The following PHLDB1 variants were observed in gnomAD, a reference collection of about 807,000 sequenced individuals.
PHLDB1 encodes the protein pleckstrin homology-like domain family B member 1.
A neutral mutation model predicts 139.3 loss-of-function variants in PHLDB1; 65 were observed. That is an observed-to-expected ratio of 0.47 (90% CI 0.38 to 0.57). The LOEUF (loss-of-function observed/expected upper bound fraction) is 0.57, where lower values mean the gene tolerates loss of function less well. PHLDB1 is among the 20% of genes least tolerant of loss of function. The pLI, the probability that PHLDB1 is intolerant of heterozygous loss-of-function variation, is 0.00. For synonymous variants in PHLDB1, 679 were observed against 734.5 expected, an observed-to-expected ratio of 0.92 and a Z score of 1.22; for missense variants, 1,624 against 1,839.7, an observed-to-expected ratio of 0.88 and a Z score of 2.14.
At position 118,644,010 on chromosome 11, in the gene PHLDB1, G is replaced by T. The variant is rs1555124302; in HGVS notation, c.3019-62G>T. The T allele has an allele frequency of 1.9e-6, 3 of 1,604,792 alleles. No homozygotes were observed. The South Asian group carries it at 3.3e-5, about 18-fold the overall frequency. ...GACTTCCACCCTGGGGAGAGGCCAA[G>T]ACCTTGGGAATGGGGGTAAGGGCCT... is the stretch of plus-strand genomic sequence containing the variant. On this transcript the variant is annotated intron_variant, in intron 14 of 22. Transcript: ENST00000600882.
chr11:118,635,072 TC>T, intron 9 of PHLDB1: 1 of 446,468 alleles, frequency 2.2e-6, no homozygotes, highest in Non-Finnish European at 4.4e-6. Context: ...CCGCCCCCCC[TC>T]CCCCGGCCCC....
In PHLDB1 at chr11:118,627,408, G is replaced by C. The variant is rs1944067200; in HGVS notation, c.585G>C (p.Lys195Asn). 1.9e-6 allele frequency: 3 copies of C among 1,614,196 alleles called. No individual in the cohort carries two copies. The highest frequency in any genetic ancestry group is 2.5e-6 in the Non-Finnish European group (3 of 1,180,028). ...GTTCCCTGGTGAGCTCTATTGAGAA[G>C]GACCTGCAAGAGATCATGGACTCAC... Reference protein sequence around the residue: ...SHSSLVSSIEKDLQEIMDSLV... With the variant: ...SHSSLVSSIENDLQEIMDSLV... Residue 195 changes from lysine (K) to asparagine (N), a missense_variant, in exon 6 of 23, where the codon AAG becomes AAC. Lys to Asn is a moderately conservative substitution (Grantham distance 94). Coordinates refer to ENST00000600882, the MANE Select transcript of PHLDB1 (RefSeq NM_001144758.3).
intron 1 of PHLDB1, 87 bp from the exon 2 acceptor site, chr11:118,613,729 C>T: frequency 2.6e-6 from 2 of 773,740 alleles, no homozygotes; most frequent in African/African-American, 1.7e-5. Context: ...GGTGACACCT[C>T]TGCCCTGAGA....
At chr11:118,646,965 GA>G (rs1170384518) in intron 17 of PHLDB1, 1 of 152,178 alleles carries the variant, frequency 6.6e-6, no homozygotes, top group Non-Finnish European at 1.5e-5. Context: ...GAGCTGGGAA[GA>G]AATAGTAAAT....
chr11:118,643,741 ATGGG>A, intron 13 of PHLDB1, 55 bp from the exon 14 acceptor site: 2 of 1,613,158 alleles, frequency 1.2e-6, no homozygotes, highest in Admixed American at 3.3e-5. Flanking sequence ...ACTAGGTGAC[ATGGG>A]GGAGGTGGCC....
chr11:118,629,003 G>A (rs1218992950), intron 6 of PHLDB1, among the ~76,000 whole-genome samples: 1 of 152,260 alleles, frequency 6.6e-6, no homozygotes, highest in African/African-American at 2.4e-5. Context: ...AGTTTGAGAA[G>A]CAGTTGGTGA....
chr11:118,641,160 C>T (rs566533757), intron 12 of PHLDB1: 1 of 153,250 alleles, frequency 6.5e-6, no homozygotes, highest in East Asian at 1.9e-4. Flanking sequence ...CAGCTGTGTT[C>T]CCGCTTGGAC....
intron 4 of PHLDB1, among the ~76,000 whole-genome samples, chr11:118,617,435 C>A (rs781830454): frequency 1.5e-4 from 23 of 152,224 alleles, no homozygotes; most frequent in Middle Eastern, 3.4e-3. Flanking sequence ...AATGTCACTT[C>A]CTTCACAGCT....
Position 118,632,292 on chromosome 11 carries a change from A to T in PHLDB1, c.2375A>T (p.Asp792Val). Residue 792 changes from aspartate to valine, a missense_variant, in exon 9 of 23, where the codon GAC becomes GTC. Coordinates refer to ENST00000600882, the MANE Select transcript of PHLDB1 (RefSeq NM_001144758.3). This position sits in a 1 kb window ranked among gnomAD's most constrained non-coding sequence, Gnocchi z 5.9. Reference sequence around the variant, plus strand: ...GAGACAGGCATCCAGAAGGAGAGGGACAAGGTAACCCACACCTGGCCCAGC... The same window carrying T: ...GAGACAGGCATCCAGAAGGAGAGGGTCAAGGTAACCCACACCTGGCCCAGC... ...ALETGIQKER[D>V]KEAEALETET... The T allele has an allele frequency of 6.2e-7, 1 of 1,612,636 alleles. No homozygotes were observed. The highest frequency in any genetic ancestry group is 8.5e-7 in the Non-Finnish European group (1 of 1,179,982).
chr11:118,624,813 T>C (rs1555099230), intron 4 of PHLDB1, 121 bp from the exon 5 acceptor site: 1 of 948,968 alleles, frequency 1.1e-6, no homozygotes, highest in Non-Finnish European at 1.7e-6. Flanking sequence ...CTTCACCACA[T>C]TGGCCAGGCT....
At position 118,635,602 on chromosome 11, in the gene PHLDB1, T is replaced by C; in HGVS notation, c.2535+54T>C. 2.1e-6 allele frequency: 3 copies of C among 1,426,676 alleles called. No homozygotes were observed. The East Asian group carries it at 7.8e-5, about 37-fold the overall frequency. 88.4% of individuals were successfully genotyped at this position (1,426,676 alleles called of 1,614,324 possible). On this transcript the variant is annotated intron_variant, in intron 10 of 22. Transcript: ENST00000600882. ...GCTGTTGGAGGCCAGTGACCTGGGT[T>C]TGAATCCCAATGACCTCACAAAAGT...
At position 118,627,408 on chromosome 11, in the gene PHLDB1, G is replaced by A; in HGVS notation, c.585G>A (p.Lys195=). 4.3e-6 allele frequency: 7 copies of A among 1,614,196 alleles called. No individual in the cohort carries two copies. The highest frequency in any genetic ancestry group is 5.1e-6 in the Non-Finnish European group (6 of 1,180,028). ...SHSSLVSSIE[K]DLQEIMDSLV... Reference sequence around the variant, plus strand: ...GTTCCCTGGTGAGCTCTATTGAGAAGGACCTGCAAGAGATCATGGACTCAC... The same window carrying A: ...GTTCCCTGGTGAGCTCTATTGAGAAAGACCTGCAAGAGATCATGGACTCAC... Residue 195 remains lysine (K), a synonymous_variant, in exon 6 of 23, where the codon AAG becomes AAA. Transcript: ENST00000600882.
rs889804388 is a variant in PHLDB1 at position 118,645,254 on chromosome 11, A to G, written c.3122-102A>G. ...GGGGAGAGGGGGCTGCTCTGTGTTA[A>G]CCTCTCCCTGCTTGCCCCTCCCTCT... On this transcript the variant is annotated intron_variant, in intron 15 of 22. Coordinates refer to ENST00000600882, the MANE Select transcript of PHLDB1 (RefSeq NM_001144758.3). The surrounding 1 kb of genome is among the most constrained non-coding windows in gnomAD (Gnocchi z 5.1). 254 of 866,202 alleles carry G rather than the reference A, an allele frequency of 2.9e-4. No individual in the cohort carries two copies. The highest frequency in any genetic ancestry group is 3.7e-4 in the Middle Eastern group (1 of 2,708). 53.7% of individuals were successfully genotyped at this position (866,202 alleles called of 1,614,324 possible).
In PHLDB1 at chr11:118,632,004, A is replaced by G; in HGVS notation, c.2192A>G (p.Lys731Arg). ...AQVLGHVEQL[K>R]VRVKELEQQL... is the part of the protein sequence containing the mutation. The stretch of plus-strand genomic sequence containing the variant: ...GTGCTGGGGCACGTGGAGCAGCTCA[A>G]GGTCCGTGTGAAGGAGCTAGAGCAG... Residue 731 changes from lysine (K) to arginine (R), a missense_variant, in exon 8 of 23, where the codon AAG becomes AGG. Transcript: ENST00000600882. The surrounding 1 kb of genome is among the most constrained non-coding windows in gnomAD (Gnocchi z 5.9). 1.2e-6 allele frequency: 2 copies of G among 1,614,162 alleles called. No homozygotes were observed. Among genetic ancestry groups the G allele is most frequent in the Admixed American group, 1.7e-5 (1 of 60,030 alleles).
intron 22 of PHLDB1, 151 bp downstream of exon 22, chr11:118,656,043 G>A: frequency 3.0e-6 from 2 of 665,698 alleles, no homozygotes; most frequent in South Asian, 1.8e-5. Context: ...AGCTCCTGTG[G>A]GCTTGGGTGC....
Position 118,644,075 on chromosome 11 carries a change from G to T in PHLDB1, c.3022G>T (p.Ala1008Ser), listed in dbSNP as rs1156347951. Residue 1008 changes from alanine (A) to serine (S), a missense_variant, in exon 15 of 23, where the codon GCT (alanine) becomes TCT (serine). Ala to Ser is a moderately conservative substitution (Grantham distance 99). Transcript: ENST00000600882. Reference protein sequence around the residue: ...TLGRSPSPKSALLTQNGTGSL... With the variant: ...TLGRSPSPKSSLLTQNGTGSL... Reference sequence around the variant, plus strand: ...CGAACTCTCCATTCCTCTGCAGAGCGCTCTACTCACCCAGAATGGCACGGG... The same window carrying T: ...CGAACTCTCCATTCCTCTGCAGAGCTCTCTACTCACCCAGAATGGCACGGG... The T allele has an allele frequency of 1.9e-6, 3 of 1,613,548 alleles. No homozygotes were observed. The South Asian group carries it at 3.3e-5, about 18-fold the overall frequency.
intron 9 of PHLDB1, chr11:118,633,925 C>T (rs1298437365): frequency 6.6e-6 from 1 of 152,472 alleles, no homozygotes; most frequent in Non-Finnish European, 1.5e-5. Flanking sequence ...GAGGCCTAGA[C>T]TTCGCTTTCT....
At chr11:118,655,714 G>T (rs782568367) in intron 21 of PHLDB1, 24 bp downstream of exon 21, 7 of 1,571,856 alleles carry the variant, frequency 4.5e-6, no homozygotes, top group East Asian at 2.2e-5. Context: ...GGCACCAGAG[G>T]GGGGCCAGAG....
At position 118,639,154 on chromosome 11, in the gene PHLDB1, G is replaced by T; in HGVS notation, c.2647-8G>T. Reference sequence around the variant, plus strand: ...CTCCTCTTTGACTCTGCCATTCTGGGCTCGCAGGAGAAGGAGAAGCTGACT... The same window carrying T: ...CTCCTCTTTGACTCTGCCATTCTGGTCTCGCAGGAGAAGGAGAAGCTGACT... On this transcript the variant is annotated splice_polypyrimidine_tract_variant and splice_region_variant and intron_variant, in intron 11 of 22. Coordinates refer to ENST00000600882, the MANE Select transcript of PHLDB1 (RefSeq NM_001144758.3). 1 of 1,613,622 alleles carries T rather than the reference G, an allele frequency of 6.2e-7. No individual in the cohort carries two copies.
Sources: gnomAD v4.1 joint callset for allele counts (sites outside exome capture counted in the v4.1 genomes callset) on GRCh38, gnomAD v4.1.1 for gene constraint, Gnocchi (gnomAD v3.1) non-coding constraint, MANE v1.5 for transcripts, NCBI Gene and HGNC (gene_info 2026-07-23, HGNC 2026-07-21) for gene names.